NDUFAF2: variants seen among roughly 807,000 people sequenced by gnomAD.
NDUFAF2 encodes the protein NADH:ubiquinone oxidoreductase complex assembly factor 2, also known as NADH dehydrogenase [ubiquinone] 1 alpha subcomplex assembly factor 2.
NDUFAF2 carries 13 observed loss-of-function variants against 22.8 expected under a neutral mutation model. The ratio of observed to expected loss-of-function variants is 0.57; its 90% confidence interval spans 0.37 to 0.91. The LOEUF (loss-of-function observed/expected upper bound fraction) is 0.91. NDUFAF2 is among the 40% of genes least tolerant of loss of function. NDUFAF2 has a pLI of 0.01. For synonymous variants in NDUFAF2, 53 were observed against 64.2 expected (o/e 0.83, Z 0.84); for missense variants, 162 against 195.2 (o/e 0.83, Z 1.01).
intron 1 of NDUFAF2, among the ~76,000 whole-genome samples, chr5:60,970,601 A>C (rs541028047): frequency 6.6e-6 from 1 of 152,162 alleles, no homozygotes; most frequent in Non-Finnish European, 1.5e-5. Flanking sequence ...TTAGTGGAGT[A>C]TTTAGGTTAT....
chr5:60,955,491 A>C (rs1225420682), intron 1 of NDUFAF2, among the ~76,000 whole-genome samples: 1 of 152,186 alleles, frequency 6.6e-6, no homozygotes, highest in Non-Finnish European at 1.5e-5. Flanking sequence ...TTTTGAAATC[A>C]GACAGTGTGA....
At chr5:61,078,427 A>G (rs541440842) in intron 2 of NDUFAF2, among the ~76,000 whole-genome samples, 1 of 152,288 alleles carries the variant, frequency 6.6e-6, no homozygotes, top group Admixed American at 6.5e-5. Flanking sequence ...ACAGTAGACC[A>G]GACCAATTTT....
chr5:61,102,673 C>A (rs1359297045), intron 3 of NDUFAF2, among the ~76,000 whole-genome samples: 3 of 151,932 alleles, frequency 2.0e-5, no homozygotes, highest in Admixed American at 1.3e-4. Flanking sequence ...GAATTAAATT[C>A]TAATGCTCAT....
rs142271517 is a variant in NDUFAF2, at chr5:60,948,533, C to A, written c.127+3151C>A. On this transcript the variant is annotated intron_variant, in intron 1 of 3. Transcript: ENST00000296597. Reference sequence around the variant, plus strand: ...GGCTAGAATTTTATTTAAGTGGAAGCATACAGCACATATTCTGCTTTTTTT... The same window carrying A: ...GGCTAGAATTTTATTTAAGTGGAAGAATACAGCACATATTCTGCTTTTTTT... 7.4e-5 allele frequency among the ~76,000 whole-genome samples: 11 copies of A among 148,232 alleles called. No individual in the cohort carries two copies. In the East Asian group the frequency reaches 2.3e-3, roughly 31 times the overall value.
At chr5:61,123,383 G>T (rs1752999322) in intron 3 of NDUFAF2, among the ~76,000 whole-genome samples, 1 of 152,064 alleles carries the variant, frequency 6.6e-6, no homozygotes, top group Non-Finnish European at 1.5e-5. Context: ...ATATAGTATA[G>T]CCCATTACTC....
intron 1 of NDUFAF2, among the ~76,000 whole-genome samples, chr5:60,980,712 G>T (rs1021493907): frequency 6.6e-6 from 1 of 152,104 alleles, no homozygotes; most frequent in African/African-American, 2.4e-5. Flanking sequence ...GACAGATGTT[G>T]CAGTGAGCTG....
chr5:61,108,997 C>T (rs1173968676), intron 3 of NDUFAF2, among the ~76,000 whole-genome samples: 3 of 151,950 alleles, frequency 2.0e-5, no homozygotes, highest in African/African-American at 4.8e-5. Flanking sequence ...CTGTGAATGT[C>T]ATTGGTATTT....
chr5:61,140,198 A>G (rs1374000535), intron 3 of NDUFAF2, among the ~76,000 whole-genome samples: 1 of 152,256 alleles, frequency 6.6e-6, no homozygotes, highest in Non-Finnish European at 1.5e-5. Context: ...TGTCACTGTC[A>G]TCACTGATTA....
chr5:60,964,367 C>A (rs1220470461), intron 1 of NDUFAF2, among the ~76,000 whole-genome samples: 1 of 151,616 alleles, frequency 6.6e-6, no homozygotes, highest in Non-Finnish European at 1.5e-5. Context: ...CTAACTCAAG[C>A]TAATTAACAT....
chr5:61,060,893 G>A (rs912291022), intron 1 of NDUFAF2, among the ~76,000 whole-genome samples: 5 of 152,198 alleles, frequency 3.3e-5, no homozygotes, highest in East Asian at 1.9e-4. Context: ...TTTTATGAGC[G>A]CTGAAACTCT....
chr5:61,073,733 G>T (rs1186842824), intron 2 of NDUFAF2, among the ~76,000 whole-genome samples: 1 of 152,102 alleles, frequency 6.6e-6, no homozygotes, highest in African/African-American at 2.4e-5. Flanking sequence ...CCTTTCCTAA[G>T]ACTTTGAAGT....
At chr5:61,011,119 G>A (rs1160361698) in intron 1 of NDUFAF2, among the ~76,000 whole-genome samples, 2 of 152,118 alleles carry the variant, frequency 1.3e-5, no homozygotes, top group African/African-American at 4.8e-5. Flanking sequence ...TCTCTCTTAA[G>A]TTAGTGTTAC....
At chr5:61,050,224 C>T (rs1340884063) in intron 1 of NDUFAF2, among the ~76,000 whole-genome samples, 2 of 152,036 alleles carry the variant, frequency 1.3e-5, no homozygotes, top group East Asian at 1.9e-4. Context: ...TTTACAACCT[C>T]GACAACACTT....
chr5:61,133,604 G>A (rs1753139525), intron 3 of NDUFAF2, among the ~76,000 whole-genome samples: 1 of 152,182 alleles, frequency 6.6e-6, no homozygotes. Flanking sequence ...CTTTATTAAT[G>A]ATGGAATATG....
At chr5:61,103,287 G>C (rs1443176471) in intron 3 of NDUFAF2, among the ~76,000 whole-genome samples, 2 of 152,030 alleles carry the variant, frequency 1.3e-5, no homozygotes, top group African/African-American at 4.8e-5. Flanking sequence ...ACTCCCTGCT[G>C]TTTCTCAAGT....
intron 2 of NDUFAF2, among the ~76,000 whole-genome samples, chr5:61,079,588 T>G (rs948240364): frequency 6.6e-6 from 1 of 152,246 alleles, no homozygotes; most frequent in African/African-American, 2.4e-5. Context: ...GAACCTCCAG[T>G]ACACTTGAAT....
At chr5:61,014,258 C>T (rs1751478949) in intron 1 of NDUFAF2, among the ~76,000 whole-genome samples, 1 of 152,204 alleles carries the variant, frequency 6.6e-6, no homozygotes, top group African/African-American at 2.4e-5. Flanking sequence ...GTGAAAACCC[C>T]TAAATGGCAG....
At chr5:61,042,627 G>A (rs1358942392) in intron 1 of NDUFAF2, among the ~76,000 whole-genome samples, 4 of 152,084 alleles carry the variant, frequency 2.6e-5, no homozygotes, top group African/African-American at 7.2e-5. Context: ...CTTTATTCTT[G>A]AACCATGTGA....
At position 61,059,303 on chromosome 5, in the gene NDUFAF2, G is replaced by A. The variant is rs556690874; in HGVS notation, c.128-13822G>A. On this transcript the variant is annotated intron_variant, in intron 1 of 3. Transcript: ENST00000296597. The stretch of plus-strand genomic sequence containing the variant: ...TCTCATGGAACCTTTAAAAATTAAC[G>A]GTCAATAAGAGTTTATTGTCCTTGT... 2.6e-5 allele frequency among the ~76,000 whole-genome samples: 4 copies of A among 151,888 alleles called. No homozygotes were observed. The South Asian group carries it at 6.2e-4, about 24-fold the overall frequency.
Sources: allele counts gnomAD v4.1 joint callset (sites outside exome capture counted in the v4.1 genomes callset), GRCh38; gene constraint gnomAD v4.1.1; transcripts MANE v1.5; gene names NCBI Gene and HGNC (gene_info 2026-07-23, HGNC 2026-07-21).